The following MED26 variants were observed in gnomAD, a reference collection of about 807,000 sequenced individuals.
MED26 encodes mediator complex subunit 26, also known as mediator of RNA polymerase II transcription subunit 26.
A neutral mutation model predicts 43.7 loss-of-function variants in MED26; 7 were observed. The observed-to-expected ratio is 0.16, with a 90% CI of 0.09 to 0.30. The LOEUF (loss-of-function observed/expected upper bound fraction) is 0.30, where lower values mean the gene tolerates loss of function less well. Among genes scored for constraint, MED26 ranks in the 10% least tolerant of loss-of-function variants. MED26 has a pLI of 1.00. For missense variants in MED26, 784 were observed against 840.6 expected, an observed-to-expected ratio of 0.93 and a Z score of 0.83; for synonymous variants, 375 against 371.1, an observed-to-expected ratio of 1.01 and a Z score of -0.12.
chr19:16,614,833 G>A (rs2086216201), intron 1 of MED26, among the ~76,000 whole-genome samples: 1 of 152,084 alleles, frequency 6.6e-6, no homozygotes, highest in Admixed American at 6.5e-5. Context: ...TTCCTCCAGG[G>A]GTCTGGCCAA....
At chr19:16,624,126 C>T (rs576647462) in intron 1 of MED26, among the ~76,000 whole-genome samples, 1 of 136,624 alleles carries the variant, frequency 7.3e-6, no homozygotes, top group East Asian at 2.0e-4. Context: ...AAAAAAAAAC[C>T]CCTTCTAGAA....
chr19:16,626,893 A>G (rs1172407082), intron 1 of MED26, among the ~76,000 whole-genome samples: 1 of 151,862 alleles, frequency 6.6e-6, no homozygotes, highest in Non-Finnish European at 1.5e-5. Flanking sequence ...CTTGGAGAAA[A>G]TATGAGAATA....
At chr19:16,584,585 G>A (rs1033202056) in intron 1 of MED26, among the ~76,000 whole-genome samples, 40 of 152,232 alleles carry the variant, frequency 2.6e-4, no homozygotes, top group African/African-American at 9.6e-4. Flanking sequence ...CCTGGGAGCA[G>A]TGGGGAACCC....
rs533234762 is a variant in MED26, at chr19:16,609,414, G to A, written c.72+18458C>T. Among the ~76,000 whole-genome samples the A allele has an allele frequency of 1.6e-3, 236 of 151,140 alleles. 1 individual carries two copies. The highest frequency in any genetic ancestry group is 7.8e-3 in the South Asian group (37 of 4,774). ...ATACAAAAGCTCAGCAAAAATCAAC[G>A]GAAGCAGCTGGTGAGAAGCAATTGG... is the stretch of plus-strand genomic sequence containing the variant. On this transcript the variant is annotated intron_variant, in intron 1 of 2. Coordinates refer to ENST00000263390, the MANE Select transcript of MED26 (RefSeq NM_004831.5).
At position 16,627,910 on chromosome 19, in the gene MED26, T is replaced by G; in HGVS notation, c.34A>C (p.Arg12=). 6.7e-7 allele frequency: 1 copy of G among 1,500,236 alleles called. No individual in the cohort carries two copies. Among genetic ancestry groups the G allele is most frequent in the Non-Finnish European group, 8.9e-7 (1 of 1,123,216 alleles). The allele number at this position is 1,500,236 out of a possible 1,614,324, so 92.9% of individuals were successfully genotyped here. The change falls in exon 1 of 3, where the codon AGG becomes CGG. Residue 12 remains arginine, a synonymous_variant. Coordinates refer to ENST00000263390, the MANE Select transcript of MED26 (RefSeq NM_004831.5). ...TCGATGGCCTGCAGCAGCCGGTCCCTGATCTGCTGCGGAGACGCCGGAGCC... is the reference window on the plus strand; with the variant it reads ...TCGATGGCCTGCAGCAGCCGGTCCCGGATCTGCTGCGGAGACGCCGGAGCC... ...TAAPASPQQI[R]DRLLQAIDPQ...
Position 16,627,976 on chromosome 19 carries a change from CAGCG to C in MED26, c.-37_-34del. ...GCGAGGCGGGGGGTTGCGGCCGGGC[CAGCG>C]GGCGGGCGGGCTGAGGCGGGGGACG... is the stretch of plus-strand genomic sequence containing the variant. On this transcript the variant is annotated 5_prime_UTR_variant, in exon 1 of 3. Coordinates refer to ENST00000263390, the MANE Select transcript of MED26 (RefSeq NM_004831.5). The C allele has an allele frequency of 7.1e-7, 1 of 1,402,004 alleles. No homozygotes were observed. The highest frequency in any genetic ancestry group is 1.5e-5 in the African/African-American group (1 of 67,480). The allele number at this position is 1,402,004 out of a possible 1,614,324, so 86.8% of individuals were successfully genotyped here.
chr19:16,595,957 T>A (rs2086118259), intron 1 of MED26, among the ~76,000 whole-genome samples: 1 of 152,248 alleles, frequency 6.6e-6, no homozygotes, highest in Non-Finnish European at 1.5e-5. Context: ...GGTGTTAAAC[T>A]TTACTCCAAG....
rs752459319 is a variant in MED26, at chr19:16,578,393, G to A, written c.89C>T (p.Ala30Val). Residue 30 changes from alanine to valine, a missense_variant, in exon 2 of 3, where the codon GCG becomes GTG. Transcript: ENST00000263390. ...DPQSNIRNMV[A>V]VLEVISSLEK... ...CAGGCTGGAGATGACTTCCAGCACC[G>A]CCACCATGTTCCGGATCTGTGGAAA... 6.8e-6 allele frequency: 11 copies of A among 1,613,776 alleles called. No homozygotes were observed. The highest frequency in any genetic ancestry group is 1.7e-5 in the Admixed American group (1 of 59,974).
At chr19:16,623,529 T>C (rs993541899) in intron 1 of MED26, among the ~76,000 whole-genome samples, 1 of 152,218 alleles carries the variant, frequency 6.6e-6, no homozygotes, top group African/African-American at 2.4e-5. Flanking sequence ...CCACATCGGT[T>C]GCTAGTTGCC....
At position 16,578,380 on chromosome 19, in the gene MED26, G is replaced by A. The variant is rs761044225; in HGVS notation, c.102C>T (p.Val34=). The A allele has an allele frequency of 3.7e-6, 6 of 1,613,966 alleles. No individual in the cohort carries two copies. Among genetic ancestry groups the A allele is most frequent in the Non-Finnish European group, 5.1e-6 (6 of 1,180,006 alleles). Residue 34 remains valine, a synonymous_variant, in exon 2 of 3, where the codon GTC becomes GTT. Transcript: ENST00000263390. ...TAGGGTATTTCTCCAGGCTGGAGAT[G>A]ACTTCCAGCACCGCCACCATGTTCC... The part of the protein sequence containing the change: ...NIRNMVAVLE[V]ISSLEKYPIT...
chr19:16,595,431 G>A (rs1195128606), intron 1 of MED26, among the ~76,000 whole-genome samples: 1 of 152,194 alleles, frequency 6.6e-6, no homozygotes, highest in Non-Finnish European at 1.5e-5. Context: ...GCTGTTGTCA[G>A]ATGTGCGCTG....
At chr19:16,625,101 A>C (rs1185956280) in intron 1 of MED26, among the ~76,000 whole-genome samples, 1 of 152,196 alleles carries the variant, frequency 6.6e-6, no homozygotes, top group Non-Finnish European at 1.5e-5. Context: ...CGCTTCGGAG[A>C]GATTTTCAAC....
intron 1 of MED26, among the ~76,000 whole-genome samples, chr19:16,606,815 G>A (rs2086175586): frequency 6.6e-6 from 1 of 152,198 alleles, no homozygotes; most frequent in South Asian, 2.1e-4. Flanking sequence ...CTGGCATCAG[G>A]AGCACTTTTG....
In MED26 at chr19:16,607,930, A is replaced by C. The variant is rs1187547002; in HGVS notation, c.72+19942T>G. The stretch of plus-strand genomic sequence containing the variant: ...AGGGGTGCTAGACAGGGCCAATGGG[A>C]AACTACGATCACGAGAACTGTCCCA... On this transcript the variant is annotated intron_variant, in intron 1 of 2. Transcript: ENST00000263390. Among the ~76,000 whole-genome samples the C allele has an allele frequency of 3.9e-5, 6 of 152,344 alleles. No individual in the cohort carries two copies. The East Asian group carries it at 1.2e-3, about 29-fold the overall frequency.
Position 16,592,643 on chromosome 19 carries a change from C to T in MED26, c.73-14234G>A, listed in dbSNP as rs533682339. Among the ~76,000 whole-genome samples the T allele has an allele frequency of 2.0e-5, 3 of 152,302 alleles. No homozygotes were observed. The South Asian group carries it at 6.2e-4, about 32-fold the overall frequency. On this transcript the variant is annotated intron_variant, in intron 1 of 2. Transcript: ENST00000263390. ...TGTCACCAGCTTCATAACCAGTGTC[C>T]CCACCTTCATCCACTTGGCTCCCAG...
At chr19:16,614,559 G>A (rs74260261) in intron 1 of MED26, among the ~76,000 whole-genome samples, 6 of 152,150 alleles carry the variant, frequency 3.9e-5, no homozygotes, top group African/African-American at 1.4e-4. Flanking sequence ...AAAGGTGGGG[G>A]GTGGGTGGGG....
At chr19:16,626,403 G>T (rs949289514) in intron 1 of MED26, among the ~76,000 whole-genome samples, 2 of 152,118 alleles carry the variant, frequency 1.3e-5, no homozygotes, top group African/African-American at 4.8e-5. Context: ...ATTCTAGAAG[G>T]TTTTATATAG....
At chr19:16,581,419 A>G (rs2086045090) in intron 1 of MED26, among the ~76,000 whole-genome samples, 1 of 152,138 alleles carries the variant, frequency 6.6e-6, no homozygotes, top group Non-Finnish European at 1.5e-5. Context: ...GCACTCCAGC[A>G]CCGACTCAGT....
In MED26 at chr19:16,576,627, G is replaced by C. The variant is rs752684167; in HGVS notation, c.1203C>G (p.Asp401Glu). Reference protein sequence around the residue: ...SKKKKRYRPRDYTVNLDGQVA... With the variant: ...SKKKKRYRPREYTVNLDGQVA... ...CCTGCCCGTCCAAGTTAACCGTATA[G>C]TCTCGAGGTCGGTACCTCTTCTTCT... is the stretch of plus-strand genomic sequence containing the variant. Residue 401 changes from aspartate to glutamate, a missense_variant, in exon 3 of 3, where the codon GAC becomes GAG. Around this residue, in one of 3 missense-constraint regions of MED26, gnomAD observed 719 missense variants for 730.9 expected, o/e 0.98. Coordinates refer to ENST00000263390, the MANE Select transcript of MED26 (RefSeq NM_004831.5). This position sits in a 1 kb window ranked among gnomAD's most constrained non-coding sequence, Gnocchi z 6.8. The C allele has an allele frequency of 1.9e-6, 3 of 1,614,234 alleles. No homozygotes were observed. The South Asian group carries it at 3.3e-5, about 18-fold the overall frequency.
Sources: gnomAD v4.1 joint callset for allele counts (sites outside exome capture counted in the v4.1 genomes callset) on GRCh38, gnomAD v4.1.1 for gene constraint, gnomAD v4.1.1 regional missense constraint, Gnocchi (gnomAD v3.1) non-coding constraint, MANE v1.5 for transcripts, NCBI Gene and HGNC (gene_info 2026-07-23, HGNC 2026-07-21) for gene names.